CCDC30: variants seen among roughly 807,000 people sequenced by gnomAD.
CCDC30 encodes coiled-coil domain-containing protein 30.
Under a neutral mutation model 100.2 loss-of-function variants are expected in CCDC30, and 70 were observed. That is an observed-to-expected ratio of 0.70 (90% CI 0.58 to 0.85). The LOEUF (loss-of-function observed/expected upper bound fraction) is 0.85, where lower values mean the gene tolerates loss of function less well. CCDC30 is among the 40% of genes least tolerant of loss of function. The probability of loss-of-function intolerance (pLI) is 0.00; values close to 1 mark genes in which losing one functional copy is unlikely to be tolerated. For missense variants in CCDC30, 652 were observed against 771.2 expected (o/e 0.85, Z 1.83); for synonymous variants, 233 against 269.5 (o/e 0.86, Z 1.33).
exon 13 of CCDC30, chr1:42,642,604 G>A (rs1399090228): frequency 6.3e-7 from 1 of 1,581,696 alleles, no homozygotes; most frequent in Admixed American, 1.8e-5. Context: ...CTTCCATCCA[G>A]AGCAGGTAGG....
upstream of CCDC30, among the ~76,000 whole-genome samples, chr1:42,458,714 T>G (rs762347804): frequency 2.0e-5 from 3 of 152,238 alleles, no homozygotes; most frequent in African/African-American, 4.8e-5. Context: ...CTCTGGGATC[T>G]TTAGTTTATC....
chr1:42,545,507 A>G, intron 6 of CCDC30: 1 of 1,607,900 alleles, frequency 6.2e-7, no homozygotes, highest in Non-Finnish European at 8.5e-7. Context: ...AATACCTGTA[A>G]AGATCCTGAA....
At chr1:42,618,322 C>T (rs1646765691) in intron 11 of CCDC30, among the ~76,000 whole-genome samples, 2 of 148,416 alleles carry the variant, frequency 1.3e-5, no homozygotes, top group South Asian at 2.2e-4. Context: ...CCGCAACCTC[C>T]GCCTCTCAGG....
At chr1:42,593,719 T>G (rs1646231905) in intron 10 of CCDC30, 1 of 152,566 alleles carries the variant, frequency 6.6e-6, no homozygotes, top group Admixed American at 6.5e-5. Context: ...CTTCGGAGAT[T>G]CCAAGAGTTT....
downstream of CCDC30, among the ~76,000 whole-genome samples, chr1:42,655,266 G>A (rs1000706769): frequency 6.6e-6 from 1 of 152,166 alleles, no homozygotes; most frequent in Non-Finnish European, 1.5e-5. Context: ...AGGAGGTTGG[G>A]CGTGGTGGCT....
chr1:42,498,817 G>A lies in CCDC30; in HGVS notation c.358-1G>A. ...ACAAGGTGTTTACTTTTGTATTTAA[G>A]GTTGAAAGACTTAAAGGAGAGGTGT... On this transcript the variant is annotated splice_acceptor_variant, in intron 5 of 16. Transcript: ENST00000668663. LOFTEE classifies it high-confidence loss of function. The A allele has an allele frequency of 8.1e-7, 1 of 1,230,240 alleles. No individual in the cohort carries two copies. Among genetic ancestry groups the A allele is most frequent in the Non-Finnish European group, 1.0e-6 (1 of 984,488 alleles). 76.2% of individuals were successfully genotyped at this position (1,230,240 alleles called of 1,614,324 possible). A position where few individuals can be genotyped will look rare whatever the true frequency, so the allele number is the denominator to read the frequency against.
At chr1:42,521,641 T>C (rs1644648967) in intron 6 of CCDC30, among the ~76,000 whole-genome samples, 1 of 152,160 alleles carries the variant, frequency 6.6e-6, no homozygotes, top group South Asian at 2.1e-4. Flanking sequence ...TAATACATCA[T>C]TGAGAGTAGG....
intron 6 of CCDC30, chr1:42,500,089 G>A (rs1008107958): frequency 9.6e-5 from 93 of 967,958 alleles, no homozygotes; most frequent in Non-Finnish European, 1.4e-4. Flanking sequence ...GGGCAGCACA[G>A]TCATTTAAAC....
intron 12 of CCDC30, among the ~76,000 whole-genome samples, chr1:42,640,564 G>A (rs1647308054): frequency 2.0e-5 from 3 of 152,120 alleles, no homozygotes; most frequent in East Asian, 1.9e-4. Flanking sequence ...TAGCTTTTTC[G>A]GAACATAATC....
intron 6 of CCDC30, 94 bp downstream of exon 10, chr1:42,556,499 G>T: frequency 1.5e-6 from 2 of 1,353,142 alleles, no homozygotes; most frequent in South Asian, 1.7e-5. Flanking sequence ...TCATATATAT[G>T]TTTTTTTTTA....
intron 15 of CCDC30, among the ~76,000 whole-genome samples, chr1:42,651,497 C>T (rs1231007744): frequency 2.0e-5 from 3 of 151,682 alleles, no homozygotes; most frequent in Non-Finnish European, 4.4e-5. Flanking sequence ...CATCATGAAT[C>T]GTTATGGAAA....
chr1:42,568,969 A>G (rs889148070), intron 7 of CCDC30: 1 of 151,888 alleles, frequency 6.6e-6, no homozygotes, highest in Non-Finnish European at 1.5e-5. Flanking sequence ...AATCCATTCA[A>G]ATTATCAAAC....
chr1:42,472,355 A>C (rs76351992), intron 1 of CCDC30, among the ~76,000 whole-genome samples: 1 of 152,228 alleles, frequency 6.6e-6, no homozygotes, highest in Non-Finnish European at 1.5e-5. Context: ...CTGTTATGTC[A>C]TGATTACTTG....
intron 11 of CCDC30, among the ~76,000 whole-genome samples, chr1:42,618,742 C>A (rs1196237639): frequency 6.6e-6 from 1 of 152,168 alleles, no homozygotes; most frequent in Non-Finnish European, 1.5e-5. Flanking sequence ...AGCCTAGGCT[C>A]CCTCTATCTT....
Position 42,566,356 on chromosome 1 carries a change from C to T in CCDC30, c.517C>T (p.Gln173Ter). 1 of 1,613,858 alleles carries T rather than the reference C, an allele frequency of 6.2e-7. No homozygotes were observed. The highest frequency in any genetic ancestry group is 8.5e-7 in the Non-Finnish European group (1 of 1,179,856). Residue 173 changes from glutamine to a stop codon, truncating the protein, a stop_gained, in exon 7 of 17, where the codon CAG becomes TAG. Transcript: ENST00000668663. LOFTEE classifies it high-confidence loss of function. ...GCAAGGGGAAGTACAACAACTTCAC[C>T]AGAATTTGCACCGGCTCCAGATTCT...
intron 1 of CCDC30, among the ~76,000 whole-genome samples, chr1:42,475,310 T>C (rs1643870702): frequency 6.6e-6 from 1 of 152,168 alleles, no homozygotes; most frequent in South Asian, 2.1e-4. Flanking sequence ...ACCTTTAATA[T>C]GGATTAAAAT....
At chr1:42,581,455 A>G (rs767853148) in exon 9 of CCDC30, 1 of 1,613,960 alleles carries the variant, frequency 6.2e-7, no homozygotes, top group Non-Finnish European at 8.5e-7. Flanking sequence ...AAAAGATAAA[A>G]GAAGCAACAC....
chr1:42,471,088 C>A (rs1428379643), intron 1 of CCDC30, among the ~76,000 whole-genome samples: 1 of 152,086 alleles, frequency 6.6e-6, no homozygotes, highest in Non-Finnish European at 1.5e-5. Flanking sequence ...CAGGTGTAGC[C>A]ATGAGGATGG....
At chr1:42,458,362 T>C (rs185383319), upstream of CCDC30, among the ~76,000 whole-genome samples, 216 of 152,294 alleles carry the variant, frequency 1.4e-3, no homozygotes, top group Non-Finnish European at 1.7e-3. Flanking sequence ...TTTTGGAACC[T>C]TCAGGAGTTC....
Sources: gnomAD v4.1 joint callset for allele counts (sites outside exome capture counted in the v4.1 genomes callset) on GRCh38, gnomAD v4.1.1 for gene constraint, MANE v1.5 for transcripts, NCBI Gene and HGNC (gene_info 2026-07-23, HGNC 2026-07-21) for gene names.